The following AQR variants were observed in gnomAD, a reference collection of about 807,000 sequenced individuals.
AQR encodes aquarius intron-binding spliceosomal factor.
AQR carries 61 observed loss-of-function variants against 180.5 expected under a neutral mutation model. The ratio of observed to expected loss-of-function variants is 0.34; its 90% confidence interval spans 0.28 to 0.42. The LOEUF (loss-of-function observed/expected upper bound fraction) is 0.42, where lower values mean the gene tolerates loss of function less well. Among genes scored for constraint, AQR ranks in the 10% least tolerant of loss-of-function variants. The probability of loss-of-function intolerance (pLI) is 1.00; values close to 1 mark genes in which losing one functional copy is unlikely to be tolerated. For synonymous variants in AQR, 551 were observed against 588.8 expected (o/e 0.94, Z 0.93); for missense variants, 1,281 against 1,798.3 (o/e 0.71, Z 5.20).
Position 34,870,745 on chromosome 15 carries a change from A to G in AQR, c.3768+7T>C, listed in dbSNP as rs1777157134. On this transcript the variant is annotated splice_region_variant and intron_variant, in intron 31 of 34. Transcript: ENST00000156471. Reference sequence around the variant, plus strand: ...AATAAGAGAACATATTATAATTATAAAAGTACCTTGTTTGGTCTTCCAATC... The same window carrying G: ...AATAAGAGAACATATTATAATTATAGAAGTACCTTGTTTGGTCTTCCAATC... 1 of 1,606,932 alleles carries G rather than the reference A, an allele frequency of 6.2e-7. No homozygotes were observed. The highest frequency in any genetic ancestry group is 8.5e-7 in the Non-Finnish European group (1 of 1,176,966).
At chr15:34,886,486 A>G in intron 25 of AQR, 40 bp downstream of exon 25, 3 of 1,563,042 alleles carry the variant, frequency 1.9e-6, no homozygotes, top group Non-Finnish European at 2.6e-6. Flanking sequence ...TGGGGTTCAT[A>G]TTATGATGAA....
At position 34,944,399 on chromosome 15, in the gene AQR, T is replaced by C. The variant is rs1331677788; in HGVS notation, c.360A>G (p.Pro120=). The C allele has an allele frequency of 6.2e-6, 10 of 1,605,946 alleles. No homozygotes were observed. Among genetic ancestry groups the C allele is most frequent in the East Asian group, 2.3e-5 (1 of 44,402 alleles). Residue 120 remains proline (P), a synonymous_variant, in exon 6 of 35, where the codon CCA becomes CCG. Transcript: ENST00000156471. ...CCTTCAAGATGTGTTTAAAAAAGAA[T>C]GGGAAGTGGTCTGGCTTCTTCTTAA... ...EIFKKKPDHF[P]FFFKHILKAA... is the part of the protein sequence containing the mutation.
At chr15:34,943,352 A>G (rs750176572) in intron 6 of AQR, 3 of 1,475,024 alleles carry the variant, frequency 2.0e-6, no homozygotes, top group East Asian at 2.3e-5. Context: ...AGCATTTTGA[A>G]CTGGGAGGAG....
intron 5 of AQR, among the ~76,000 whole-genome samples, chr15:34,947,161 T>C (rs1894140563): frequency 6.8e-6 from 1 of 147,038 alleles, no homozygotes; most frequent in Non-Finnish European, 1.5e-5. Context: ...TTTTGTTCTG[T>C]ACTAAGAAAA....
intron 12 of AQR, among the ~76,000 whole-genome samples, chr15:34,928,323 C>T (rs1893795928): frequency 6.6e-6 from 1 of 151,888 alleles, no homozygotes; most frequent in Non-Finnish European, 1.5e-5. Context: ...CACCTATTGA[C>T]CTGTCCTCTA....
intron 25 of AQR, among the ~76,000 whole-genome samples, 188 bp from the exon 26 acceptor site, chr15:34,884,922 C>T (rs1459640193): frequency 1.3e-5 from 2 of 152,108 alleles, no homozygotes; most frequent in East Asian, 3.8e-4. Flanking sequence ...TAAAAGTAAC[C>T]TTGTCTTTGG....
intron 26 of AQR, among the ~76,000 whole-genome samples, chr15:34,884,289 C>A (rs538239626): frequency 2.6e-5 from 4 of 152,026 alleles, no homozygotes; most frequent in Admixed American, 2.6e-4. Context: ...CACCTGTAAT[C>A]CCAGCTGCTC....
chr15:34,911,123 G>A (rs1893493099), intron 16 of AQR, among the ~76,000 whole-genome samples: 1 of 152,092 alleles, frequency 6.6e-6, no homozygotes, highest in Non-Finnish European at 1.5e-5. Context: ...CTTTTTAAAA[G>A]GTGAATCATA....
At chr15:34,909,366 T>C (rs1344531688) in intron 17 of AQR, among the ~76,000 whole-genome samples, 3 of 152,228 alleles carry the variant, frequency 2.0e-5, no homozygotes, top group Non-Finnish European at 4.4e-5. Flanking sequence ...CTTATTGATG[T>C]TTTAACTCTA....
intron 16 of AQR, among the ~76,000 whole-genome samples, chr15:34,914,394 G>A (rs1343251697): frequency 3.9e-5 from 6 of 152,176 alleles, no homozygotes; most frequent in Admixed American, 3.9e-4. Context: ...TTTCAGACAT[G>A]AGCTAGCAGG....
chr15:34,949,074 C>T (rs1409058690), intron 4 of AQR, among the ~76,000 whole-genome samples: 2 of 151,778 alleles, frequency 1.3e-5, no homozygotes, highest in Non-Finnish European at 2.9e-5. Context: ...CTCACAGCAA[C>T]CTCCACCTCC....
chr15:34,902,135 T>A (rs991685865), intron 19 of AQR, among the ~76,000 whole-genome samples: 1 of 152,066 alleles, frequency 6.6e-6, no homozygotes, highest in Admixed American at 6.6e-5. Flanking sequence ...AAGTAAAAGA[T>A]TTGTGAAGGA....
intron 17 of AQR, 45 bp downstream of exon 17, chr15:34,910,090 A>C (rs1244973181): frequency 1.9e-6 from 3 of 1,599,588 alleles, no homozygotes; most frequent in South Asian, 2.2e-5. Flanking sequence ...GTGAAAGTTC[A>C]TAACAAGGCA....
At chr15:34,898,823 G>A (rs189259730) in intron 20 of AQR, among the ~76,000 whole-genome samples, 39 of 151,144 alleles carry the variant, frequency 2.6e-4, no homozygotes, top group African/African-American at 9.0e-4. Flanking sequence ...GGCAGAGCTT[G>A]CAGTGAGCCA....
chr15:34,914,719 C>A (rs1893555470), intron 16 of AQR, among the ~76,000 whole-genome samples: 1 of 152,156 alleles, frequency 6.6e-6, no homozygotes, highest in South Asian at 2.1e-4. Flanking sequence ...CAACCCCTAG[C>A]CTTCCAATCG....
At chr15:34,914,899 T>A in intron 16 of AQR, 139 bp downstream of exon 16, 1 of 882,460 alleles carries the variant, frequency 1.1e-6, no homozygotes. Context: ...TAAAAATGTC[T>A]CAAAGAGTAA....
At chr15:34,890,148 T>C in intron 24 of AQR, 67 bp downstream of exon 24, 2 of 1,377,272 alleles carry the variant, frequency 1.5e-6, no homozygotes, top group Non-Finnish European at 2.0e-6. Flanking sequence ...TCTTCTTCTT[T>C]AATAAAAGAA....
intron 30 of AQR, among the ~76,000 whole-genome samples, chr15:34,873,182 G>A (rs78609069): frequency 0.037 from 5,558 of 152,118 alleles, 140 homozygotes; most frequent in South Asian, 0.061. Flanking sequence ...TTGCAGTGAT[G>A]AACATGAAGC....
At chr15:34,883,579 A>G (rs1893007951) in intron 26 of AQR, among the ~76,000 whole-genome samples, 1 of 152,166 alleles carries the variant, frequency 6.6e-6, no homozygotes, top group South Asian at 2.1e-4. Flanking sequence ...AACATATACT[A>G]CATATCTGAT....
Sources: allele counts gnomAD v4.1 joint callset (sites outside exome capture counted in the v4.1 genomes callset), GRCh38; gene constraint gnomAD v4.1.1; transcripts MANE v1.5; gene names NCBI Gene and HGNC (gene_info 2026-07-23, HGNC 2026-07-21).